CAPN7: variants seen among roughly 807,000 people sequenced by gnomAD.
CAPN7 encodes calpain-7.
Under a neutral mutation model 115.2 loss-of-function variants are expected in CAPN7, and 72 were observed. That is an observed-to-expected ratio of 0.63 (90% confidence interval 0.52 to 0.76). The LOEUF (loss-of-function observed/expected upper bound fraction) is 0.76. Among genes scored for constraint, CAPN7 ranks in the 30% least tolerant of loss-of-function variants. The pLI, the probability that CAPN7 is intolerant of heterozygous loss-of-function variation, is 0.00. For missense variants in CAPN7, 905 were observed against 971.5 expected, an observed-to-expected ratio of 0.93 and a Z score of 0.91; for synonymous variants, 344 against 322.3, an observed-to-expected ratio of 1.07 and a Z score of -0.72.
chr3:15,213,791 T>C (rs924939923), intron 2 of CAPN7, among the ~76,000 whole-genome samples: 4 of 152,260 alleles, frequency 2.6e-5, no homozygotes, highest in East Asian at 1.9e-4. Flanking sequence ...TTCTAAACAT[T>C]GATATATATG....
intron 2 of CAPN7, among the ~76,000 whole-genome samples, chr3:15,214,667 G>A (rs745794949): frequency 1.3e-5 from 2 of 152,110 alleles, no homozygotes; most frequent in Non-Finnish European, 1.5e-5. Context: ...GCACTGACCC[G>A]TGATTACACC....
chr3:15,238,019 G>A (rs914605514), intron 12 of CAPN7, among the ~76,000 whole-genome samples: 1 of 150,038 alleles, frequency 6.7e-6, no homozygotes, highest in Non-Finnish European at 1.5e-5. Context: ...CTTTTATTGG[G>A]TATATATTCA....
chr3:15,228,408 A>G (rs1338028297), intron 7 of CAPN7, among the ~76,000 whole-genome samples: 1 of 152,238 alleles, frequency 6.6e-6, no homozygotes, highest in Non-Finnish European at 1.5e-5. Flanking sequence ...ATAACCAGGA[A>G]AATATTTAGT....
At position 15,212,029 on chromosome 3, in the gene CAPN7, T is replaced by C; in HGVS notation, c.103-75T>C. On this transcript the variant is annotated intron_variant, in intron 1 of 20. Coordinates refer to ENST00000253693, the MANE Select transcript of CAPN7 (RefSeq NM_014296.3). ...GTTTTGTCATTCATGGAAACCAATA[T>C]TGAATGAGAATGTGATAAAGAAAAT... 2.7e-6 allele frequency: 2 copies of C among 730,012 alleles called. 1 individual carries two copies. The highest frequency in any genetic ancestry group is 5.8e-5 in the South Asian group (2 of 34,752). The allele number at this position is 730,012 out of a possible 1,614,324, so 45.2% of individuals were successfully genotyped here.
chr3:15,248,152 G>A (rs1225534660), intron 19 of CAPN7, among the ~76,000 whole-genome samples: 1 of 151,550 alleles, frequency 6.6e-6, no homozygotes, highest in Non-Finnish European at 1.5e-5. Flanking sequence ...ATGTGCACAT[G>A]TACCCTAAAA....
rs770789118 is a variant in CAPN7 at position 15,223,504 on chromosome 3, A to G, written c.668A>G (p.Tyr223Cys). 54 of 1,610,706 alleles carry G rather than the reference A, an allele frequency of 3.4e-5. No individual in the cohort carries two copies. In the East Asian group the frequency reaches 6.2e-4, roughly 19 times the overall value. Residue 223 changes from tyrosine (Y) to cysteine (C), a missense_variant, in exon 6 of 21, where the codon TAT becomes TGT. Tyr to Cys is a radical substitution (Grantham distance 194). Transcript: ENST00000253693. Reference sequence around the variant, plus strand: ...ACATCAAAAATAAATGGTATAGAATATGTTCCTTTCATGAATGTTGACCTG... The same window carrying G: ...ACATCAAAAATAAATGGTATAGAATGTGTTCCTTTCATGAATGTTGACCTG... ...RTTSKINGIE[Y>C]VPFMNVDLRE...
At position 15,242,610 on chromosome 3, in the gene CAPN7, C is replaced by T. The variant is rs557072469; in HGVS notation, c.1864+357C>T. 1.1e-4 allele frequency among the ~76,000 whole-genome samples: 17 copies of T among 152,286 alleles called. No individual in the cohort carries two copies. In the South Asian group the frequency reaches 3.5e-3, roughly 32 times the overall value. ...TGATATATAAGGCTTTTTATTCCCA[C>T]CTTAATCTACCTGCCCCCCTTTATT... On this transcript the variant is annotated intron_variant, in intron 16 of 20. Coordinates refer to ENST00000253693, the MANE Select transcript of CAPN7 (RefSeq NM_014296.3).
chr3:15,247,888 A>T (rs905664776), intron 19 of CAPN7, among the ~76,000 whole-genome samples: 23 of 152,178 alleles, frequency 1.5e-4, no homozygotes, highest in Non-Finnish European at 2.9e-4. Flanking sequence ...ACATGGATGA[A>T]ATTGGAAATC....
chr3:15,212,083 T>C, intron 1 of CAPN7, 21 bp from the exon 2 acceptor site: 2 of 1,518,212 alleles, frequency 1.3e-6, no homozygotes, highest in Non-Finnish European at 1.8e-6. Flanking sequence ...ATTGGATTCC[T>C]TTGAATTCTT....
chr3:15,213,599 A>G (rs1340364408), intron 2 of CAPN7, among the ~76,000 whole-genome samples: 1 of 152,240 alleles, frequency 6.6e-6, no homozygotes, highest in East Asian at 1.9e-4. Flanking sequence ...CACACAGTCA[A>G]GCACATTTAT....
chr3:15,210,433 T>G (rs551549557), intron 1 of CAPN7, among the ~76,000 whole-genome samples: 10 of 152,272 alleles, frequency 6.6e-5, no homozygotes, highest in African/African-American at 2.4e-4. Flanking sequence ...TAGATAATGA[T>G]GGTATGTAAG....
intron 19 of CAPN7, among the ~76,000 whole-genome samples, chr3:15,249,409 C>G (rs996014472): frequency 6.6e-6 from 1 of 152,026 alleles, no homozygotes; most frequent in African/African-American, 2.4e-5. Flanking sequence ...TCATTTTTCT[C>G]CCACATAGAA....
chr3:15,206,336 C>A lies in CAPN7; in HGVS notation c.-160C>A, dbSNP rs910250188. On this transcript the variant is annotated 5_prime_UTR_variant, in exon 1 of 21. Transcript: ENST00000253693. ...CGCGGCTTCGCGGTGGACCCCAGCC[C>A]GGCAACGGGAAGGCGAGCTCTCCTC... 7.1e-6 allele frequency: 4 copies of A among 563,036 alleles called. No individual in the cohort carries two copies. The African/African-American group carries it at 8.1e-5, about 11-fold the overall frequency. 34.9% of individuals were successfully genotyped at this position (563,036 alleles called of 1,614,324 possible).
chr3:15,210,902 G>C (rs948014602), intron 1 of CAPN7: 2 of 1,270,760 alleles, frequency 1.6e-6, no homozygotes, highest in South Asian at 2.5e-5. Flanking sequence ...AAGTGTACAC[G>C]CTTGGGTTAC....
chr3:15,226,728 A>G (rs1039196273), intron 6 of CAPN7, among the ~76,000 whole-genome samples: 2 of 152,190 alleles, frequency 1.3e-5, no homozygotes, highest in Non-Finnish European at 2.9e-5. Context: ...AGAGATTGCA[A>G]TAAACATTGG....
intron 2 of CAPN7, among the ~76,000 whole-genome samples, chr3:15,216,136 A>G (rs936325042): frequency 6.6e-6 from 1 of 152,164 alleles, no homozygotes; most frequent in African/African-American, 2.4e-5. Context: ...TGTTTTCTCA[A>G]TTCTCTTGGA....
Position 15,252,097 on chromosome 3 carries a change from G to A in CAPN7, c.*837G>A, listed in dbSNP as rs1696030486. ...ATTTAATATATGGTGATTGGGATAT[G>A]TAGCATTCAAAAAAAGTGAATTGCC... On this transcript the variant is annotated 3_prime_UTR_variant, in exon 21 of 21. Transcript: ENST00000253693. 6.6e-6 allele frequency: 1 copy of A among 152,598 alleles called. No individual in the cohort carries two copies. The highest frequency in any genetic ancestry group is 2.4e-5 in the African/African-American group (1 of 41,434). 9.5% of individuals were successfully genotyped at this position (152,598 alleles called of 1,614,324 possible).
intron 11 of CAPN7, 81 bp from the exon 12 acceptor site, chr3:15,234,944 T>C: frequency 7.6e-7 from 1 of 1,323,280 alleles, no homozygotes; most frequent in South Asian, 1.5e-5. Flanking sequence ...ATGTAAGCCA[T>C]TAGACTAAAA....
chr3:15,231,921 A>G (rs1366215302), intron 9 of CAPN7, among the ~76,000 whole-genome samples: 1 of 152,170 alleles, frequency 6.6e-6, no homozygotes, highest in African/African-American at 2.4e-5. Flanking sequence ...TACTCTTACA[A>G]CTATACATGA....
Sources: allele counts gnomAD v4.1 joint callset (sites outside exome capture counted in the v4.1 genomes callset), GRCh38; gene constraint gnomAD v4.1.1; transcripts MANE v1.5; gene names NCBI Gene and HGNC (gene_info 2026-07-23, HGNC 2026-07-21).